LTBR: variants seen among roughly 807,000 people sequenced by gnomAD.
LTBR encodes the protein tumor necrosis factor receptor superfamily member 3.
Under a neutral mutation model 45.4 loss-of-function variants are expected in LTBR, and 15 were observed. The ratio of observed to expected loss-of-function variants is 0.33; its 90% CI spans 0.22 to 0.51. The LOEUF (loss-of-function observed/expected upper bound fraction) is 0.51. Among genes scored for constraint, LTBR ranks in the 20% least tolerant of loss-of-function variants. The pLI is 0.97. For synonymous variants in LTBR, 228 were observed against 231.0 expected (o/e 0.99, Z 0.12); for missense variants, 450 against 565.5 (o/e 0.80, Z 2.07).
rs1258401007 is a variant in LTBR at position 6,377,135 on chromosome 12, A to G, written c.39+1541A>G. On this transcript the variant is annotated intron_variant, in intron 1 of 9. Transcript: ENST00000539925. ...GCAGGCAAAGAAGAGAAAAGGCAGT[A>G]CTCCAGGCTCAGGGTCCAACCTGGT... The G allele has an allele frequency of 3.5e-5, 26 of 733,482 alleles. No homozygotes were observed. The East Asian group carries it at 7.0e-4, about 20-fold the overall frequency. 45.4% of individuals were successfully genotyped at this position (733,482 alleles called of 1,614,324 possible).
chr12:6,386,228 C>A lies in LTBR; in HGVS notation c.569+66C>A. 1 of 1,507,466 alleles carries A rather than the reference C, an allele frequency of 6.6e-7. No individual in the cohort carries two copies. The highest frequency in any genetic ancestry group is 9.2e-7 in the Non-Finnish European group (1 of 1,084,938). The allele number at this position is 1,507,466 out of a possible 1,614,324, so 93.4% of individuals were successfully genotyped here. On this transcript the variant is annotated intron_variant, in intron 5 of 9. Coordinates refer to ENST00000228918, the MANE Select transcript of LTBR (RefSeq NM_002342.3). This position sits in a 1 kb window ranked among gnomAD's most constrained non-coding sequence, Gnocchi z 4.1. ...AGCCTCAGCTGCTAACAACCCCCAG[C>A]GCCTATCCTTGACACCACGGACTCG...
At chr12:6,377,307 T>C in intron 1 of LTBR, 2 of 1,538,224 alleles carry the variant, frequency 1.3e-6, no homozygotes, top group Non-Finnish European at 1.8e-6. Flanking sequence ...TTTTCTTCAT[T>C]GTCCTAATGA....
Position 6,390,966 on chromosome 12 carries a change from G to T in LTBR, c.*29G>T. 1 of 1,501,480 alleles carries T rather than the reference G, an allele frequency of 6.7e-7. No homozygotes were observed. Among genetic ancestry groups the T allele is most frequent in the Non-Finnish European group, 8.9e-7 (1 of 1,123,946 alleles). 93.0% of individuals were successfully genotyped at this position (1,501,480 alleles called of 1,614,324 possible). On this transcript the variant is annotated 3_prime_UTR_variant, in exon 10 of 10. Transcript: ENST00000228918. ...AGTCTGAGAAAAGGCAGAAGAAGGG[G>T]GGCACAAGGGCACCTTCTCCCTTGA... is the stretch of plus-strand genomic sequence containing the variant.
At chr12:6,384,928 G>C in intron 2 of LTBR, 94 bp from the exon 3 acceptor site, 1 of 1,525,636 alleles carries the variant, frequency 6.6e-7, no homozygotes, top group Non-Finnish European at 9.0e-7. Context: ...GGGGGCCAGA[G>C]AGACCGAGGG....
intron 4 of LTBR, chr12:6,385,723 A>G (rs915624384): frequency 1.7e-5 from 6 of 355,294 alleles, no homozygotes; most frequent in South Asian, 7.0e-5. Flanking sequence ...TGGCTAACAC[A>G]GTGAAACCCC....
At chr12:6,385,904 C>A (rs1448444066) in intron 4 of LTBR, 162 bp from the exon 5 acceptor site, 158 of 358,448 alleles carry the variant, frequency 4.4e-4, no homozygotes, top group African/African-American at 9.9e-4. Context: ...GACTCCGTCT[C>A]AAAAAAAAAA....
upstream of LTBR, chr12:6,375,244 T>C (rs1948883391): frequency 6.9e-7 from 1 of 1,439,052 alleles, no homozygotes; most frequent in Non-Finnish European, 9.1e-7. Flanking sequence ...TCTCTCCTGC[T>C]CTCCTCTTTC....
At chr12:6,380,271 GA>G (rs1948970689), upstream of LTBR, among the ~76,000 whole-genome samples, 1 of 152,198 alleles carries the variant, frequency 6.6e-6, no homozygotes, top group Non-Finnish European at 1.5e-5. Flanking sequence ...AAATACTCTG[GA>G]AAAGGACAAC....
intron 1 of LTBR, chr12:6,376,164 C>T: frequency 1.0e-6 from 1 of 985,820 alleles, no homozygotes; most frequent in Non-Finnish European, 1.2e-6. Context: ...CTGCAGGTCT[C>T]CTCCCCGCTC....
At chr12:6,384,054 G>C, upstream of LTBR, 2 of 1,194,746 alleles carry the variant, frequency 1.7e-6, 1 homozygote, top group Non-Finnish European at 2.1e-6. Flanking sequence ...CGCCCCTCCC[G>C]CCCCGCATCG....
upstream of LTBR, among the ~76,000 whole-genome samples, chr12:6,382,494 G>A (rs1336216726): frequency 1.3e-5 from 2 of 152,198 alleles, no homozygotes; most frequent in African/African-American, 4.8e-5. Flanking sequence ...GCGTTTAAGA[G>A]CTCAGCAGGG....
At position 6,388,856 on chromosome 12, in the gene LTBR, A is replaced by C; in HGVS notation, c.801+31A>C. 1.2e-6 allele frequency: 2 copies of C among 1,613,754 alleles called. No individual in the cohort carries two copies. Among genetic ancestry groups the C allele is most frequent in the Non-Finnish European group, 1.7e-6 (2 of 1,179,842 alleles). On this transcript the variant is annotated intron_variant, in intron 8 of 9. Coordinates refer to ENST00000228918, the MANE Select transcript of LTBR (RefSeq NM_002342.3). This position sits in a 1 kb window ranked among gnomAD's most constrained non-coding sequence, Gnocchi z 4.3. The stretch of plus-strand genomic sequence containing the variant: ...GGCGGGGGCTGAGAAGGCAGCAAGA[A>C]GGGGAAGAGGTGATGAGGGTACAAG...
chr12:6,388,872 A>G lies in LTBR; in HGVS notation c.801+47A>G. The G allele has an allele frequency of 6.2e-7, 1 of 1,611,116 alleles. No individual in the cohort carries two copies. Among genetic ancestry groups the G allele is most frequent in the Non-Finnish European group, 8.5e-7 (1 of 1,177,684 alleles). On this transcript the variant is annotated intron_variant, in intron 8 of 9. Transcript: ENST00000228918. The surrounding 1 kb of genome is among the most constrained non-coding windows in gnomAD (Gnocchi z 4.3). ...GCAGCAAGAAGGGGAAGAGGTGATG[A>G]GGGTACAAGGTGGAGCAGACAGGAA...
At chr12:6,387,951 C>G (rs1231363874) in intron 6 of LTBR, 2 of 404,620 alleles carry the variant, frequency 4.9e-6, no homozygotes, top group Non-Finnish European at 1.0e-5. Flanking sequence ...TCTACAGCAG[C>G]CCCTCTGTAC....
chr12:6,386,492 C>A lies in LTBR; in HGVS notation c.667+48C>A. 1 of 1,387,050 alleles carries A rather than the reference C, an allele frequency of 7.2e-7. No homozygotes were observed. The highest frequency in any genetic ancestry group is 1.0e-6 in the Non-Finnish European group (1 of 979,636). 85.9% of individuals were successfully genotyped at this position (1,387,050 alleles called of 1,614,324 possible). On this transcript the variant is annotated intron_variant, in intron 6 of 9. Transcript: ENST00000228918. This position sits in a 1 kb window ranked among gnomAD's most constrained non-coding sequence, Gnocchi z 4.1. ...CACGGGGGGGGCGCCTCTGAAAATG[C>A]CTTAATGCTCCACATCTTAAAAAAA...
chr12:6,381,694 G>A (rs547474475), upstream of LTBR, among the ~76,000 whole-genome samples: 1 of 152,358 alleles, frequency 6.6e-6, no homozygotes, highest in Non-Finnish European at 1.5e-5. Context: ...ACATTCTGGG[G>A]CCGGGTGCCG....
upstream of LTBR, among the ~76,000 whole-genome samples, chr12:6,381,789 A>G (rs1037352823): frequency 2.6e-5 from 4 of 152,212 alleles, no homozygotes; most frequent in African/African-American, 9.6e-5. Context: ...CCTGGTCAAC[A>G]TGGCGAAACC....
chr12:6,388,327 G>C lies in LTBR; in HGVS notation c.668-71G>C, dbSNP rs1158791449. 8.5e-7 allele frequency: 1 copy of C among 1,180,082 alleles called. No homozygotes were observed. Among genetic ancestry groups the C allele is most frequent in the Non-Finnish European group, 1.3e-6 (1 of 791,974 alleles). 73.1% of individuals were successfully genotyped at this position (1,180,082 alleles called of 1,614,324 possible). A position where few individuals can be genotyped will look rare whatever the true frequency, so the allele number is the denominator to read the frequency against. On this transcript the variant is annotated intron_variant, in intron 6 of 9. Transcript: ENST00000228918. The surrounding 1 kb of genome is among the most constrained non-coding windows in gnomAD (Gnocchi z 4.3). ...TCTGGGTTGCCCAGGGATCTGGAAA[G>C]CTCTTCCTTCTCCTCCTCCCCTCTG...
chr12:6,389,998 AAAGG>A (rs1949092432), intron 8 of LTBR, 110 bp from the exon 9 acceptor site: 3 of 732,530 alleles, frequency 4.1e-6, no homozygotes, highest in Non-Finnish European at 7.0e-6. Flanking sequence ...AGAGAGAGAG[AAAGG>A]AAGGAAGGAA....
Sources: gnomAD v4.1 joint callset for allele counts (sites outside exome capture counted in the v4.1 genomes callset) on GRCh38, gnomAD v4.1.1 for gene constraint, Gnocchi (gnomAD v3.1) non-coding constraint, MANE v1.5 for transcripts, NCBI Gene and HGNC (gene_info 2026-07-23, HGNC 2026-07-21) for gene names.